The following LPIN1 variants were observed in gnomAD, a reference collection of about 807,000 sequenced individuals.
The protein encoded by LPIN1 is lipin 1.
Under a neutral mutation model 107.5 loss-of-function variants are expected in LPIN1, and 71 were observed. The observed-to-expected ratio is 0.66, with a 90% CI of 0.55 to 0.80. LPIN1 has a LOEUF of 0.80. LPIN1 is among the 30% of genes least tolerant of loss of function. The pLI is 0.00. For synonymous variants in LPIN1, 445 were observed against 452.6 expected (o/e 0.98, Z 0.21); for missense variants, 1,043 against 1,160.6 (o/e 0.90, Z 1.47).
chr2:11,764,076 G>GTATATATATA (rs755597832), intron 1 of LPIN1: 5 of 57,656 alleles, frequency 8.7e-5, no homozygotes, highest in African/African-American at 3.8e-4. Flanking sequence ...GTGTGTGTGT[G>GTATATATATA]TGTATATATA....
intron 8 of LPIN1, among the ~76,000 whole-genome samples, chr2:11,783,614 T>C (rs572268224): frequency 6.6e-6 from 1 of 152,368 alleles, no homozygotes; most frequent in African/African-American, 2.4e-5. Flanking sequence ...TCAACGGTAC[T>C]GTGCCCAAAC....
At chr2:11,746,766 C>G (rs1426658598) in intron 1 of LPIN1, 95 bp downstream of exon 1, 1 of 604,528 alleles carries the variant, frequency 1.7e-6, no homozygotes, top group East Asian at 1.4e-4. Flanking sequence ...GCTGAGGACG[C>G]GTGGCGAGGC....
intron 15 of LPIN1, 55 bp from the exon 16 acceptor site, chr2:11,804,368 A>T: frequency 6.2e-7 from 1 of 1,604,162 alleles, no homozygotes; most frequent in Admixed American, 1.7e-5. Flanking sequence ...CCAAATGCCC[A>T]TCAATCAGGG....
intron 2 of LPIN1, among the ~76,000 whole-genome samples, chr2:11,717,167 C>T (rs1663802268): frequency 6.6e-6 from 1 of 152,146 alleles, no homozygotes; most frequent in South Asian, 2.1e-4. Flanking sequence ...ATAGAATCAA[C>T]TGGGAAATAC....
rs1323413182 is a variant in LPIN1, at chr2:11,787,133, G to A, written c.1609G>A (p.Asp537Asn). 1.9e-6 allele frequency: 3 copies of A among 1,614,036 alleles called. No homozygotes were observed. The highest frequency in any genetic ancestry group is 1.7e-6 in the Non-Finnish European group (2 of 1,179,916). Reference sequence around the variant, plus strand: ...GTTTGTGGACAACCCCGCTATTATCGATGACCCCAATCTCGTGGTAAAGAT... The same window carrying A: ...GTTTGTGGACAACCCCGCTATTATCAATGACCCCAATCTCGTGGTAAAGAT... Reference protein sequence around the residue: ...QQFVDNPAIIDDPNLVVKIGS... With the variant: ...QQFVDNPAIINDPNLVVKIGS... Residue 537 changes from aspartate to asparagine, a missense_variant, in exon 11 of 21, where the codon GAT (aspartate) becomes AAT (asparagine). Asp to Asn is a conservative substitution (Grantham distance 23). Transcript: ENST00000674199.
chr2:11,825,144 T>A lies in LPIN1; in HGVS notation c.*353T>A, dbSNP rs1318102668. The A allele has an allele frequency of 5.7e-6, 2 of 350,768 alleles. No individual in the cohort carries two copies. Among genetic ancestry groups the A allele is most frequent in the Non-Finnish European group, 1.1e-5 (2 of 182,792 alleles). The allele number at this position is 350,768 out of a possible 1,614,324, so 21.7% of individuals were successfully genotyped here. On this transcript the variant is annotated 3_prime_UTR_variant, in exon 21 of 21. Coordinates refer to ENST00000674199, the MANE Select transcript of LPIN1 (RefSeq NM_001349206.2). This position sits in a 1 kb window ranked among gnomAD's most constrained non-coding sequence, Gnocchi z 4.1. ...GTGAAACCTAGGCAGAAGGCGGCTG[T>A]CTGAGGGCTGTCCCCGCCTAGGACA...
chr2:11,727,141 C>T (rs1174186765), intron 1 of LPIN1, among the ~76,000 whole-genome samples: 1 of 152,158 alleles, frequency 6.6e-6, no homozygotes, highest in East Asian at 1.9e-4. Flanking sequence ...TTCGTCCATT[C>T]GCCTTAGCTT....
At position 11,784,753 on chromosome 2, in the gene LPIN1, TA is replaced by T. The variant is rs1572805474; in HGVS notation, c.1359-130del. On this transcript the variant is annotated intron_variant, in intron 9 of 20. Transcript: ENST00000674199. ...CTCTTTCCTTGTCGTGGTGCTTTAA[TA>T]AACATCTGTGCTGAGATGCAGCCGT... 3.6e-5 allele frequency: 30 copies of T among 835,406 alleles called. No individual in the cohort carries two copies. The East Asian group carries it at 7.3e-4, about 20-fold the overall frequency. 51.7% of individuals were successfully genotyped at this position (835,406 alleles called of 1,614,324 possible).
chr2:11,746,467 C>G, upstream of LPIN1: 1 of 172,368 alleles, frequency 5.8e-6, no homozygotes, highest in Non-Finnish European at 1.2e-5. Context: ...GATAGGCGGC[C>G]AGGGGTGAGC....
chr2:11,716,926 AT>A (rs2148529175), intron 2 of LPIN1, among the ~76,000 whole-genome samples: 1 of 152,282 alleles, frequency 6.6e-6, no homozygotes, highest in Non-Finnish European at 1.5e-5. Context: ...TGATTGCGAC[AT>A]TTCTAATAAG....
intron 1 of LPIN1, among the ~76,000 whole-genome samples, chr2:11,762,294 G>A (rs970602495): frequency 9.9e-5 from 15 of 152,106 alleles, no homozygotes; most frequent in Non-Finnish European, 1.6e-4. Context: ...GCACTGCCAC[G>A]CGTTCACCAA....
rs539025013 is a variant in LPIN1 at position 11,771,112 on chromosome 2, C to T, written c.289-260C>T. The stretch of plus-strand genomic sequence containing the variant: ...GGGGGCTTGAGATCACTGAGAATTA[C>T]CTCCCATTGTTAAAATTACATAAAT... On this transcript the variant is annotated intron_variant, in intron 3 of 20. Transcript: ENST00000674199. The surrounding 1 kb of genome is among the most constrained non-coding windows in gnomAD (Gnocchi z 4.8). Among the ~76,000 whole-genome samples, 4 of 152,278 alleles carry T rather than the reference C, an allele frequency of 2.6e-5. No homozygotes were observed. Among genetic ancestry groups the T allele is most frequent in the South Asian group, 2.1e-4 (1 of 4,824 alleles).
chr2:11,778,555 C>T (rs1673041043), intron 6 of LPIN1, among the ~76,000 whole-genome samples: 1 of 152,182 alleles, frequency 6.6e-6, no homozygotes, highest in Non-Finnish European at 1.5e-5. Flanking sequence ...CCAGAAGCAT[C>T]AGTTTCCGAA....
intron 19 of LPIN1, 78 bp downstream of exon 19, chr2:11,819,676 G>T (rs188193095): frequency 2.9e-6 from 3 of 1,051,612 alleles, no homozygotes; most frequent in African/African-American, 1.6e-5. Flanking sequence ...AGCCCTATCC[G>T]AGAACCATAT....
chr2:11,799,454 A>G (rs1463697111), intron 14 of LPIN1, among the ~76,000 whole-genome samples: 6 of 151,252 alleles, frequency 4.0e-5, no homozygotes, highest in Non-Finnish European at 8.8e-5. Context: ...TCTGCTTGAC[A>G]AGGAAATCTG....
chr2:11,782,556 T>C lies in LPIN1; in HGVS notation c.1264+49T>C, dbSNP rs527605980. On this transcript the variant is annotated intron_variant, in intron 8 of 20. Coordinates refer to ENST00000674199, the MANE Select transcript of LPIN1 (RefSeq NM_001349206.2). ...CTCTTTTTCTGTTCATAGTTTGTGC[T>C]CACTCTACACATGACAGGTCCTTTC... 5 of 1,607,146 alleles carry C rather than the reference T, an allele frequency of 3.1e-6. No individual in the cohort carries two copies. The South Asian group carries it at 5.5e-5, about 18-fold the overall frequency.
upstream of LPIN1, chr2:11,723,641 A>T (rs1295447127): frequency 6.6e-6 from 1 of 152,048 alleles, no homozygotes; most frequent in Non-Finnish European, 1.5e-5. Flanking sequence ...TGGGCAACAG[A>T]GCGAGACTCC....
intron 18 of LPIN1, chr2:11,816,475 A>G (rs1680593716): frequency 6.6e-6 from 1 of 152,226 alleles, no homozygotes; most frequent in African/African-American, 2.4e-5. Context: ...AACACTAACT[A>G]TGCATTTAAA....
intron 20 of LPIN1, among the ~76,000 whole-genome samples, chr2:11,822,196 C>T (rs1466424034): frequency 6.7e-6 from 1 of 149,448 alleles, no homozygotes. Context: ...TTTGGGAGGC[C>T]GAGGTGGGTG....
Sources: allele counts gnomAD v4.1 joint callset (sites outside exome capture counted in the v4.1 genomes callset), GRCh38; gene constraint gnomAD v4.1.1; non-coding constraint Gnocchi (gnomAD v3.1); transcripts MANE v1.5; gene names NCBI Gene and HGNC (gene_info 2026-07-23, HGNC 2026-07-21).